CSMD1: variants seen among roughly 807,000 people sequenced by gnomAD.
CSMD1 encodes CUB and Sushi multiple domains 1.
In CSMD1, 213 loss-of-function variants were observed where a neutral mutation model predicts 417.5. The ratio of observed to expected loss-of-function variants is 0.51; its 90% CI spans 0.46 to 0.57. CSMD1 has a LOEUF of 0.57. Ranked by LOEUF, CSMD1 falls within the 20% of genes least tolerant of loss-of-function variation. CSMD1 has a pLI of 0.00. For missense variants in CSMD1, 6,923 were observed against 4,529.7 expected (o/e 1.53, Z -15.17); for synonymous variants, 2,862 against 1,736.8 (o/e 1.65, Z -16.11).
At chr8:2,969,390 G>A (rs1461523927) in intron 57 of CSMD1, among the ~76,000 whole-genome samples, 1 of 152,096 alleles carries the variant, frequency 6.6e-6, no homozygotes, top group Non-Finnish European at 1.5e-5. Context: ...AGATCCATTT[G>A]AAATCTTAAG....
chr8:3,921,502 T>G (rs1396045791), intron 5 of CSMD1, among the ~76,000 whole-genome samples: 2 of 152,134 alleles, frequency 1.3e-5, no homozygotes, highest in African/African-American at 4.8e-5. Flanking sequence ...TATAAAATAC[T>G]TTTTATTTTT....
At chr8:4,960,004 C>G (rs1809374487) in intron 1 of CSMD1, among the ~76,000 whole-genome samples, 1 of 152,156 alleles carries the variant, frequency 6.6e-6, no homozygotes, top group Non-Finnish European at 1.5e-5. Flanking sequence ...TCTTTGCTCA[C>G]TAGGATGCAA....
chr8:3,672,828 G>A (rs533539395), intron 7 of CSMD1, among the ~76,000 whole-genome samples: 1 of 152,164 alleles, frequency 6.6e-6, no homozygotes, highest in East Asian at 1.9e-4. Context: ...ACATTACCAT[G>A]GGCAATAGAC....
At chr8:4,389,387 A>C (rs747815754) in intron 3 of CSMD1, among the ~76,000 whole-genome samples, 1 of 152,190 alleles carries the variant, frequency 6.6e-6, no homozygotes, top group African/African-American at 2.4e-5. Context: ...ACTATTAATG[A>C]GGTCCCCAGA....
Position 4,427,191 on chromosome 8 carries a change from G to A in CSMD1, c.303-7126C>T, listed in dbSNP as rs116851024. On this transcript the variant is annotated intron_variant, in intron 2 of 69. Coordinates refer to ENST00000635120, the MANE Select transcript of CSMD1 (RefSeq NM_033225.6). The stretch of plus-strand genomic sequence containing the variant: ...ATGGGTAAGTCCAGATGGGTGTGCA[G>A]GGACCATCTAACGATTCCTGAGCCC... Among the ~76,000 whole-genome samples, 870 of 152,242 alleles carry A rather than the reference G, an allele frequency of 5.7e-3. 5 individuals carry two copies. Among genetic ancestry groups the A allele is most frequent in the Middle Eastern group, 0.017 (5 of 294 alleles).
At chr8:3,471,780 T>C (rs747339131) in intron 11 of CSMD1, among the ~76,000 whole-genome samples, 1 of 152,100 alleles carries the variant, frequency 6.6e-6, no homozygotes, top group Non-Finnish European at 1.5e-5. Context: ...ATATGTATCT[T>C]AAGTCAAATT....
At chr8:3,624,491 C>G (rs957587609) in intron 7 of CSMD1, among the ~76,000 whole-genome samples, 8 of 152,290 alleles carry the variant, frequency 5.3e-5, no homozygotes, top group African/African-American at 1.7e-4. Flanking sequence ...TTATTATTGT[C>G]TATTTTCATT....
chr8:4,980,981 A>AT (rs1044889063), intron 1 of CSMD1, among the ~76,000 whole-genome samples: 22 of 152,210 alleles, frequency 1.4e-4, no homozygotes, highest in East Asian at 1.9e-4. Flanking sequence ...CTTTTCTTCA[A>AT]TTTTTTTAAA....
At chr8:4,206,212 T>C (rs1799967942) in intron 3 of CSMD1, among the ~76,000 whole-genome samples, 1 of 152,226 alleles carries the variant, frequency 6.6e-6, no homozygotes, top group African/African-American at 2.4e-5. Context: ...TTTTTTTAAA[T>C]ACTTTAAGTT....
chr8:3,388,865 C>T (rs566966972), intron 17 of CSMD1, among the ~76,000 whole-genome samples: 2 of 150,598 alleles, frequency 1.3e-5, no homozygotes, highest in South Asian at 2.1e-4. Flanking sequence ...CTCCTCCCTC[C>T]CTCTCTCTAC....
chr8:3,871,261 CA>C (rs1409204794), intron 5 of CSMD1, among the ~76,000 whole-genome samples: 1 of 151,824 alleles, frequency 6.6e-6, no homozygotes, highest in Non-Finnish European at 1.5e-5. Context: ...TTAATAATGC[CA>C]AATTACTCTT....
chr8:3,639,010 G>A (rs369548692), intron 7 of CSMD1, among the ~76,000 whole-genome samples: 1 of 152,208 alleles, frequency 6.6e-6, no homozygotes, highest in African/African-American at 2.4e-5. Flanking sequence ...CCCTGAAGTT[G>A]TGAGTGAATA....
intron 3 of CSMD1, among the ~76,000 whole-genome samples, chr8:4,158,080 A>G (rs931714672): frequency 7.9e-6 from 1 of 126,866 alleles, no homozygotes; most frequent in Admixed American, 8.8e-5. Context: ...ATTACAATAC[A>G]AGAAAACCCT....
chr8:4,470,451 T>C (rs192520539), intron 2 of CSMD1, among the ~76,000 whole-genome samples: 1 of 152,198 alleles, frequency 6.6e-6, no homozygotes, highest in African/African-American at 2.4e-5. Context: ...TGTAGACAGG[T>C]TGGGGTCATG....
intron 47 of CSMD1, among the ~76,000 whole-genome samples, chr8:3,092,360 CA>C (rs1815002722): frequency 6.6e-6 from 1 of 151,670 alleles, no homozygotes; most frequent in Non-Finnish European, 1.5e-5. Context: ...AACAATTATA[CA>C]AAAAATAAAA....
intron 3 of CSMD1, among the ~76,000 whole-genome samples, chr8:4,232,124 C>T (rs1168088719): frequency 6.6e-6 from 1 of 152,136 alleles, no homozygotes; most frequent in Admixed American, 6.5e-5. Context: ...TCAAGATTTT[C>T]ACTTTACTAT....
intron 1 of CSMD1, among the ~76,000 whole-genome samples, chr8:4,794,783 C>T (rs552572366): frequency 4.6e-5 from 7 of 152,150 alleles, no homozygotes; most frequent in Non-Finnish European, 1.0e-4. Flanking sequence ...TTCGGGGACT[C>T]TGAAGTAGTT....
At chr8:4,281,209 G>C (rs1252960370) in intron 3 of CSMD1, among the ~76,000 whole-genome samples, 3 of 152,136 alleles carry the variant, frequency 2.0e-5, no homozygotes, top group Non-Finnish European at 2.9e-5. Context: ...AAATATAAAA[G>C]TGGAAAATAC....
chr8:3,814,361 G>C (rs927777352), intron 5 of CSMD1, among the ~76,000 whole-genome samples: 23 of 152,132 alleles, frequency 1.5e-4, no homozygotes, highest in East Asian at 1.9e-4. Flanking sequence ...TTTGACTCTA[G>C]ATGGCTTTAC....
Sources: allele counts gnomAD v4.1 joint callset (sites outside exome capture counted in the v4.1 genomes callset), GRCh38; gene constraint gnomAD v4.1.1; transcripts MANE v1.5; gene names NCBI Gene and HGNC (gene_info 2026-07-23, HGNC 2026-07-21).